The following IFT81 variants were observed in gnomAD, a reference collection of about 807,000 sequenced individuals.
IFT81 encodes the protein intraflagellar transport protein 81 homolog.
A neutral mutation model predicts 102.6 loss-of-function variants in IFT81; 72 were observed. The ratio of observed to expected loss-of-function variants is 0.70; its 90% CI spans 0.58 to 0.85. The LOEUF is 0.85. Among genes scored for constraint, IFT81 ranks in the 40% least tolerant of loss-of-function variants. IFT81 has a pLI of 0.00. For synonymous variants in IFT81, 237 were observed against 242.7 expected, an observed-to-expected ratio of 0.98 and a Z score of 0.22; for missense variants, 723 against 787.3, an observed-to-expected ratio of 0.92 and a Z score of 0.98.
chr12:110,195,892 C>T (rs946806617), intron 14 of IFT81, among the ~76,000 whole-genome samples: 7 of 152,170 alleles, frequency 4.6e-5, no homozygotes, highest in African/African-American at 1.2e-4. Flanking sequence ...AAGTGTAGCT[C>T]GACAATCTTC....
intron 17 of IFT81, among the ~76,000 whole-genome samples, chr12:110,208,201 A>G (rs1304953930): frequency 6.6e-6 from 1 of 152,216 alleles, no homozygotes; most frequent in Non-Finnish European, 1.5e-5. Context: ...ACATATGTAT[A>G]TAAAAATAAG....
chr12:110,174,657 C>A (rs1196037237), intron 11 of IFT81, among the ~76,000 whole-genome samples: 1 of 152,006 alleles, frequency 6.6e-6, no homozygotes, highest in African/African-American at 2.4e-5. Flanking sequence ...TCCAATAATT[C>A]TTTTGAGTTC....
chr12:110,139,371 AAAG>A (rs1475768760), intron 8 of IFT81, among the ~76,000 whole-genome samples: 1 of 150,058 alleles, frequency 6.7e-6, no homozygotes, highest in Non-Finnish European at 1.5e-5. Flanking sequence ...GGAAAAAAGA[AAAG>A]AAAAAGCTGC....
chr12:110,132,580 C>T lies in IFT81; in HGVS notation c.463C>T (p.His155Tyr). The change falls in exon 5 of 19, where the codon CAT becomes TAT. Residue 155 changes from histidine to tyrosine, a missense_variant. Coordinates refer to ENST00000242591, the MANE Select transcript of IFT81 (RefSeq NM_014055.4). ...GTTAATGGAAGCCTTTAAAACTTTG[C>T]ATAAAGAATATGAGCAGCTCAAGAT... ...EELMEAFKTL[H>Y]KEYEQLKISG... is the part of the protein sequence containing the mutation. The T allele has an allele frequency of 6.4e-7, 1 of 1,573,204 alleles. No homozygotes were observed.
intron 4 of IFT81, among the ~76,000 whole-genome samples, chr12:110,132,223 G>A (rs1015394241): frequency 1.3e-5 from 2 of 152,116 alleles, no homozygotes; most frequent in African/African-American, 4.8e-5. Context: ...CCAGCACTTT[G>A]GGAGGCCAAA....
At position 110,163,016 on chromosome 12, in the gene IFT81, G is replaced by C. The variant is rs753939899; in HGVS notation, c.1139G>C (p.Arg380Thr). ...CTAGAGAGAGAAGCATCAGTAAAGA[G>C]AAATCAGACCCGTGAATTTGATGGT... ...ASLEREASVK[R>T]NQTREFDGTE... is the part of the protein sequence containing the mutation. The change falls in exon 11 of 19, where the codon AGA (arginine) becomes ACA (threonine). Residue 380 changes from arginine (R) to threonine (T), a missense_variant. Arg to Thr is a moderately conservative substitution (Grantham distance 71). Coordinates refer to ENST00000242591, the MANE Select transcript of IFT81 (RefSeq NM_014055.4). The C allele has an allele frequency of 1.2e-6, 2 of 1,613,994 alleles. No homozygotes were observed. Among genetic ancestry groups the C allele is most frequent in the Admixed American group, 1.7e-5 (1 of 59,998 alleles).
At chr12:110,155,163 T>C (rs1895769655) in intron 10 of IFT81, among the ~76,000 whole-genome samples, 1 of 152,226 alleles carries the variant, frequency 6.6e-6, no homozygotes, top group African/African-American at 2.4e-5. Context: ...TTAAAGTTAT[T>C]TCATCTGTTA....
intron 12 of IFT81, among the ~76,000 whole-genome samples, chr12:110,190,574 T>A (rs1897748470): frequency 6.6e-6 from 1 of 152,190 alleles, no homozygotes; most frequent in African/African-American, 2.4e-5. Context: ...CATTTACATA[T>A]ATAATAAATA....
chr12:110,150,975 T>C (rs993195453), intron 10 of IFT81, among the ~76,000 whole-genome samples: 3 of 152,146 alleles, frequency 2.0e-5, no homozygotes, highest in Admixed American at 6.6e-5. Flanking sequence ...TGGTGATCAT[T>C]CCATAGTAGA....
At chr12:110,209,750 CAG>C (rs1408930160) in intron 18 of IFT81, among the ~76,000 whole-genome samples, 1 of 136,030 alleles carries the variant, frequency 7.4e-6, no homozygotes, top group Non-Finnish European at 1.5e-5. Flanking sequence ...GCCTGGGTGA[CAG>C]AGCGATACTC....
chr12:110,188,756 C>G (rs1475826104), intron 12 of IFT81, among the ~76,000 whole-genome samples: 1 of 149,444 alleles, frequency 6.7e-6, no homozygotes, highest in Non-Finnish European at 1.5e-5. Context: ...AACCCTATCT[C>G]TACTAAAAAT....
At chr12:110,178,692 T>G (rs1261601963) in intron 11 of IFT81, among the ~76,000 whole-genome samples, 2 of 134,238 alleles carry the variant, frequency 1.5e-5, no homozygotes, top group African/African-American at 2.8e-5. Flanking sequence ...CTCGGCTCAC[T>G]GCAACCTCCG....
Position 110,218,213 on chromosome 12 carries a change from G to A in IFT81, c.2018G>A (p.Arg673Gln), listed in dbSNP as rs756693673. 22 of 1,536,116 alleles carry A rather than the reference G, an allele frequency of 1.4e-5. No individual in the cohort carries two copies. The highest frequency in any genetic ancestry group is 9.2e-5 in the Admixed American group (4 of 43,666). ...GTAATTCAGGAGGGTGGGGAGGACC[G>A]GCTAATACTGTGAATTCTTGTGTCA... ...GQVIQEGGED[R>Q]LIL Residue 673 changes from arginine (R) to glutamine (Q), a missense_variant, in exon 19 of 19, where the codon CGG becomes CAG. Coordinates refer to ENST00000242591, the MANE Select transcript of IFT81 (RefSeq NM_014055.4).
chr12:110,144,303 G>A (rs1336005682), intron 9 of IFT81, among the ~76,000 whole-genome samples: 1 of 151,564 alleles, frequency 6.6e-6, no homozygotes, highest in Non-Finnish European at 1.5e-5. Context: ...TACAACCTCC[G>A]CTTCCCGAGT....
intron 4 of IFT81, among the ~76,000 whole-genome samples, chr12:110,132,055 G>T (rs1014418100): frequency 6.6e-6 from 1 of 152,152 alleles, no homozygotes; most frequent in African/African-American, 2.4e-5. Context: ...TGTTAAGATG[G>T]TAGAGATGTA....
chr12:110,172,750 C>G (rs995338368), intron 11 of IFT81, among the ~76,000 whole-genome samples: 3 of 152,196 alleles, frequency 2.0e-5, no homozygotes, highest in African/African-American at 4.8e-5. Context: ...CCTCCACCCC[C>G]CAGCCGCCTG....
At chr12:110,132,522 A>G (rs1894230667) in intron 4 of IFT81, 25 bp from the exon 5 acceptor site, 2 of 1,038,740 alleles carry the variant, frequency 1.9e-6, no homozygotes, top group South Asian at 1.4e-5. Context: ...TTATTAGTTT[A>G]TAATTTCTTA....
At chr12:110,144,173 C>T (rs1318247673) in intron 9 of IFT81, among the ~76,000 whole-genome samples, 3 of 149,316 alleles carry the variant, frequency 2.0e-5, no homozygotes, top group Admixed American at 1.3e-4. Flanking sequence ...CCACCATGCC[C>T]GGCTAATTTT....
chr12:110,138,249 G>C (rs1258233753), intron 8 of IFT81, among the ~76,000 whole-genome samples: 3 of 152,026 alleles, frequency 2.0e-5, no homozygotes, highest in Admixed American at 2.0e-4. Flanking sequence ...CTAGGAAAAG[G>C]GTAGATTAAA....
Sources: gnomAD v4.1 joint callset for allele counts (sites outside exome capture counted in the v4.1 genomes callset) on GRCh38, gnomAD v4.1.1 for gene constraint, MANE v1.5 for transcripts, NCBI Gene and HGNC (gene_info 2026-07-23, HGNC 2026-07-21) for gene names.